ZNF607: variants seen among roughly 807,000 people sequenced by gnomAD.
ZNF607 encodes the protein zinc finger protein 607.
ZNF607 carries 5 observed loss-of-function variants against 12.8 expected under a neutral mutation model. That is an observed-to-expected ratio of 0.39 (90% CI 0.20 to 0.82). The LOEUF is 0.82. Among genes scored for constraint, ZNF607 ranks in the 40% least tolerant of loss-of-function variants. The pLI, the probability that ZNF607 is intolerant of heterozygous loss-of-function variation, is 0.39. For missense variants in ZNF607, 851 were observed against 859.2 expected, an observed-to-expected ratio of 0.99 and a Z score of 0.12; for synonymous variants, 287 against 276.2, an observed-to-expected ratio of 1.04 and a Z score of -0.39.
In ZNF607 at chr19:37,698,464, C is replaced by T. The variant is rs1445809352; in HGVS notation, c.1667G>A (p.Ser556Asn). ...CTTACATTCGTAGGGTTTCTCAGCGCTATGAATATTCTGATGGGCTTTAAG... is the reference window on the plus strand; with the variant it reads ...CTTACATTCGTAGGGTTTCTCAGCGTTATGAATATTCTGATGGGCTTTAAG... ...SVLKAHQNIH[S>N]AEKPYECKEC... The change falls in exon 5 of 5, where the codon AGC (serine) becomes AAC (asparagine). Residue 556 changes from serine (S) to asparagine (N), a missense_variant. Physicochemically the swap from Ser to Asn is conservative, Grantham distance 46. Coordinates refer to ENST00000355202, the MANE Select transcript of ZNF607 (RefSeq NM_032689.5). 2.5e-6 allele frequency: 4 copies of T among 1,613,796 alleles called. No homozygotes were observed.
rs1242178665 is a variant in ZNF607 at position 37,709,688 on chromosome 19, A to G, written c.136+8T>C. On this transcript the variant is annotated splice_region_variant and intron_variant, in intron 3 of 4. Transcript: ENST00000355202. ...TTATTCTAAATCATTCCAGGTTGAT[A>G]AACATACCCAATGAGACTAAGTTGT... The G allele has an allele frequency of 6.2e-7, 1 of 1,611,944 alleles. No individual in the cohort carries two copies. Among genetic ancestry groups the G allele is most frequent in the Admixed American group, 1.7e-5 (1 of 59,990 alleles).
At chr19:37,710,466 C>CAA (rs74174482) in intron 2 of ZNF607, among the ~76,000 whole-genome samples, 2 of 40,038 alleles carry the variant, frequency 5.0e-5, no homozygotes, top group Non-Finnish European at 1.2e-4. Context: ...AACTCCATCT[C>CAA]AAAAAAAAAA....
At chr19:37,711,556 C>A (rs1350856726) in intron 2 of ZNF607, 54 bp downstream of exon 2, 3 of 1,597,794 alleles carry the variant, frequency 1.9e-6, no homozygotes, top group African/African-American at 2.7e-5. Flanking sequence ...AGAAGACATA[C>A]ATGACCTAAA....
In ZNF607 at chr19:37,699,265, G is replaced by C; in HGVS notation, c.866C>G (p.Ala289Gly). ...CACAAGGTGGGAAAACTGACGAAAG[G>C]CCTTTCCACATTCCTTACATTCATG... ...KPHECKECGKAFRQFSHLVGH... is the reference protein window; with the variant it reads ...KPHECKECGKGFRQFSHLVGH... Residue 289 changes from alanine (A) to glycine (G), a missense_variant, in exon 5 of 5, where the codon GCC becomes GGC. Transcript: ENST00000355202. The C allele has an allele frequency of 6.2e-7, 1 of 1,613,956 alleles. No individual in the cohort carries two copies. The highest frequency in any genetic ancestry group is 1.3e-5 in the African/African-American group (1 of 74,940).
At chr19:37,709,001 A>G (rs1318509773) in intron 3 of ZNF607, among the ~76,000 whole-genome samples, 3 of 152,200 alleles carry the variant, frequency 2.0e-5, no homozygotes, top group Non-Finnish European at 4.4e-5. Context: ...TACTTGATAT[A>G]TGAGTAAAGT....
chr19:37,698,543 T>C lies in ZNF607; in HGVS notation c.1588A>G (p.Lys530Glu). The C allele has an allele frequency of 6.2e-7, 1 of 1,611,902 alleles. No homozygotes were observed. Among genetic ancestry groups the C allele is most frequent in the East Asian group, 2.2e-5 (1 of 44,808 alleles). Reference sequence around the variant, plus strand: ...CATTTGTTGCATTCAAAGGGTTTCTTACCACTGTGAATACTCAGATGCTGA... The same window carrying C: ...CATTTGTTGCATTCAAAGGGTTTCTCACCACTGTGAATACTCAGATGCTGA... ...LTQHLSIHSGKKPFECNKCGK... is the reference protein window; with the variant it reads ...LTQHLSIHSGEKPFECNKCGK... Residue 530 changes from lysine (K) to glutamate (E), a missense_variant, in exon 5 of 5, where the codon AAG (lysine) becomes GAG (glutamate). Physicochemically the swap from Lys to Glu is moderately conservative, Grantham distance 56 (BLOSUM62 1). Coordinates refer to ENST00000355202, the MANE Select transcript of ZNF607 (RefSeq NM_032689.5).
chr19:37,701,554 G>A (rs2045038841), intron 4 of ZNF607, among the ~76,000 whole-genome samples: 1 of 152,302 alleles, frequency 6.6e-6, no homozygotes, highest in African/African-American at 2.4e-5. Flanking sequence ...CAGGGGACAC[G>A]TGCGTCAGGG....
rs772936961 is a variant in ZNF607, at chr19:37,711,626, G to A, written c.-8C>T. On this transcript the variant is annotated 5_prime_UTR_variant, in exon 2 of 5. Coordinates refer to ENST00000355202, the MANE Select transcript of ZNF607 (RefSeq NM_032689.5). ...TCAACTTACATAGGACATGGTTTGA[G>A]ACTGGCAAGAGTTGATCAGTCCTTG... is the stretch of plus-strand genomic sequence containing the variant. 49 of 1,613,792 alleles carry A rather than the reference G, an allele frequency of 3.0e-5. No homozygotes were observed. The East Asian group carries it at 1.1e-3, about 36-fold the overall frequency.
chr19:37,708,649 C>T (rs547219827), intron 3 of ZNF607, among the ~76,000 whole-genome samples: 22 of 151,304 alleles, frequency 1.5e-4, no homozygotes, highest in Middle Eastern at 6.8e-3. Flanking sequence ...GAGTTGGAGA[C>T]CAGCCTGGCC....
chr19:37,698,826 G>A lies in ZNF607; in HGVS notation c.1305C>T (p.His435=), dbSNP rs1382831882. ...ECGKAFSQRA[H]LAHHNRIHTG... ...TATGAATTCTGTTATGATGGGCAAGGTGTGCACGCTGACTGAAGGCCTTCC... is the reference window on the plus strand; with the variant it reads ...TATGAATTCTGTTATGATGGGCAAGATGTGCACGCTGACTGAAGGCCTTCC... The change falls in exon 5 of 5, where the codon CAC becomes CAT. Residue 435 remains histidine (H), a synonymous_variant. Transcript: ENST00000355202. 1 of 1,611,586 alleles carries A rather than the reference G, an allele frequency of 6.2e-7. No homozygotes were observed. Among genetic ancestry groups the A allele is most frequent in the Non-Finnish European group, 8.5e-7 (1 of 1,179,112 alleles).
chr19:37,700,864 TA>T (rs1369937699), intron 4 of ZNF607, among the ~76,000 whole-genome samples: 2 of 151,742 alleles, frequency 1.3e-5, no homozygotes, highest in African/African-American at 2.4e-5. Flanking sequence ...CAAAAAAGAA[TA>T]AAAAATAAAA....
At chr19:37,706,998 A>G (rs978752076) in intron 4 of ZNF607, among the ~76,000 whole-genome samples, 1 of 152,044 alleles carries the variant, frequency 6.6e-6, no homozygotes, top group South Asian at 2.1e-4. Context: ...CTAATTTTTC[A>G]TATTTTTTGT....
At position 37,697,069 on chromosome 19, in the gene ZNF607, C is replaced by T; in HGVS notation, c.*971G>A. The T allele has an allele frequency of 1.3e-6, 1 of 742,188 alleles. No homozygotes were observed. Among genetic ancestry groups the T allele is most frequent in the Non-Finnish European group, 2.5e-6 (1 of 396,194 alleles). The allele number at this position is 742,188 out of a possible 1,614,324, so 46.0% of individuals were successfully genotyped here. ...GGCAGCACACACTCATCGTAGTCCT[C>T]TCCAATGCTGGTGAAGATGCGAGGA... On this transcript the variant is annotated 3_prime_UTR_variant, in exon 5 of 5. Transcript: ENST00000355202.
Position 37,711,594 on chromosome 19 carries a change from A to T in ZNF607, c.9+16T>A. On this transcript the variant is annotated intron_variant, in intron 2 of 4. Coordinates refer to ENST00000355202, the MANE Select transcript of ZNF607 (RefSeq NM_032689.5). ...ATCACACACAAACCTCCACATGGCG[A>T]GAAATATCAACTTACATAGGACATG... 1.2e-6 allele frequency: 2 copies of T among 1,613,828 alleles called. No individual in the cohort carries two copies. The highest frequency in any genetic ancestry group is 4.5e-5 in the East Asian group (2 of 44,878).
At chr19:37,708,043 G>A (rs751539617) in intron 3 of ZNF607, 31 bp from the exon 4 acceptor site, 8 of 1,560,434 alleles carry the variant, frequency 5.1e-6, no homozygotes, top group South Asian at 2.3e-5. Context: ...CACAAAATAC[G>A]GAAATCAACT....
At position 37,699,065 on chromosome 19, in the gene ZNF607, G is replaced by A. The variant is rs1401899708; in HGVS notation, c.1066C>T (p.His356Tyr). Reference protein sequence around the residue: ...FSSGHQLTAPHTFESVEKPYK... With the variant: ...FSSGHQLTAPYTFESVEKPYK... ...GGTTTCTCAACACTTTCAAATGTAT[G>A]AGGTGCAGTAAGTTGATGGCCACTA... The change falls in exon 5 of 5, where the codon CAT becomes TAT. Residue 356 changes from histidine to tyrosine, a missense_variant. Physicochemically the swap from His to Tyr is moderately conservative, Grantham distance 83. Coordinates refer to ENST00000355202, the MANE Select transcript of ZNF607 (RefSeq NM_032689.5). 1 of 1,614,068 alleles carries A rather than the reference G, an allele frequency of 6.2e-7. No individual in the cohort carries two copies. Among genetic ancestry groups the A allele is most frequent in the Non-Finnish European group, 8.5e-7 (1 of 1,179,996 alleles).
Position 37,699,553 on chromosome 19 carries a change from A to G in ZNF607, c.578T>C (p.Val193Ala), listed in dbSNP as rs747088664. 8.1e-6 allele frequency: 13 copies of G among 1,613,950 alleles called. No homozygotes were observed. Among genetic ancestry groups the G allele is most frequent in the Non-Finnish European group, 1.0e-5 (12 of 1,180,004 alleles). ...CTCTTTACATTCATAGGGTTTCTCA[A>G]CATGAACTTTCCCATGTTGAGCAAG... Reference protein sequence around the residue: ...ANLAQHGKVHVEKPYECKECG... With the variant: ...ANLAQHGKVHAEKPYECKECG... Residue 193 changes from valine to alanine, a missense_variant, in exon 5 of 5, where the codon GTT becomes GCT. Physicochemically the swap from Val to Ala is moderately conservative, Grantham distance 64. Transcript: ENST00000355202.
At chr19:37,710,466 C>CAAAA (rs74174482) in intron 2 of ZNF607, among the ~76,000 whole-genome samples, 1 of 40,038 alleles carries the variant, frequency 2.5e-5, no homozygotes, top group Non-Finnish European at 5.8e-5. Flanking sequence ...AACTCCATCT[C>CAAAA]AAAAAAAAAA....
chr19:37,716,787 A>G (rs1400731170), intron 1 of ZNF607, among the ~76,000 whole-genome samples: 1 of 152,216 alleles, frequency 6.6e-6, no homozygotes, highest in Non-Finnish European at 1.5e-5. Context: ...TAACTTCAAG[A>G]TATTTCAAAG....
Sources: allele counts gnomAD v4.1 joint callset (sites outside exome capture counted in the v4.1 genomes callset), GRCh38; gene constraint gnomAD v4.1.1; transcripts MANE v1.5; gene names NCBI Gene and HGNC (gene_info 2026-07-23, HGNC 2026-07-21).